The following ANKS1B variants were observed in gnomAD, a reference collection of about 807,000 sequenced individuals.
ANKS1B encodes the protein ankyrin repeat and sterile alpha motif domain-containing protein 1B.
A neutral mutation model predicts 148.3 loss-of-function variants in ANKS1B; 36 were observed. The ratio of observed to expected loss-of-function variants is 0.24; its 90% confidence interval spans 0.19 to 0.32. The LOEUF is 0.32. Among genes scored for constraint, ANKS1B ranks in the 10% least tolerant of loss-of-function variants. ANKS1B has a pLI of 1.00. For synonymous variants in ANKS1B, 542 were observed against 560.8 expected (o/e 0.97, Z 0.47); for missense variants, 1,157 against 1,542.6 (o/e 0.75, Z 4.19).
intron 2 of ANKS1B, among the ~76,000 whole-genome samples, chr12:99,822,282 T>C (rs916304852): frequency 1.3e-5 from 2 of 152,090 alleles, no homozygotes; most frequent in Admixed American, 1.3e-4. Context: ...CTACCATTTC[T>C]ACTTTTTAAA....
chr12:99,923,737 T>G (rs1319374885), intron 1 of ANKS1B, among the ~76,000 whole-genome samples: 1 of 152,146 alleles, frequency 6.6e-6, no homozygotes, highest in Admixed American at 6.6e-5. Context: ...CCTTTGAACC[T>G]ATTTTATTTC....
In ANKS1B at chr12:99,050,858, A is replaced by ATTTTTTTTTT. The variant is rs576571213; in HGVS notation, c.2778+2289_2778+2298dup. ...AGGTGCCCGCCACCACGCCCGGCTAATTTTTTTTTTTTTGTATTTTTCATA... is the reference window on the plus strand; with the variant it reads ...AGGTGCCCGCCACCACGCCCGGCTAATTTTTTTTTTTTTTTTTTTTTTTGTATTTTTCATA... On this transcript the variant is annotated intron_variant, in intron 17 of 26. Coordinates refer to ENST00000683438, the MANE Select transcript of ANKS1B (RefSeq NM_001352186.2). Among the ~76,000 whole-genome samples the ATTTTTTTTTT allele has an allele frequency of 2.8e-5, 4 of 141,360 alleles. No homozygotes were observed. The East Asian group carries it at 6.3e-4, about 22-fold the overall frequency. The allele number at this position is 141,360 out of a possible 152,430, so 92.7% of individuals were successfully genotyped here. A position where few individuals can be genotyped will look rare whatever the true frequency, so the allele number is the denominator to read the frequency against.
At chr12:99,066,639 T>C (rs75260605) in intron 16 of ANKS1B, among the ~76,000 whole-genome samples, 19 of 152,336 alleles carry the variant, frequency 1.2e-4, no homozygotes, top group South Asian at 2.1e-4. Context: ...CTTTGACTGC[T>C]GTGTTGAGTA....
At chr12:98,743,218 A>T (rs1363768998), downstream of ANKS1B, among the ~76,000 whole-genome samples, 1 of 152,134 alleles carries the variant, frequency 6.6e-6, no homozygotes, top group Non-Finnish European at 1.5e-5. Context: ...TCTTATCCAA[A>T]CAAACATTGA....
intron 9 of ANKS1B, among the ~76,000 whole-genome samples, chr12:99,540,077 A>T (rs2097110363): frequency 6.6e-6 from 1 of 152,180 alleles, no homozygotes; most frequent in Non-Finnish European, 1.5e-5. Flanking sequence ...AAAAAAAGAC[A>T]TTTTATAAAG....
chr12:98,805,419 A>G (rs1398110216), intron 20 of ANKS1B, among the ~76,000 whole-genome samples: 2 of 152,160 alleles, frequency 1.3e-5, no homozygotes, highest in East Asian at 3.8e-4. Context: ...TAAAGGAAAA[A>G]TACTTTGACA....
chr12:98,856,093 A>C (rs549220365), intron 17 of ANKS1B, among the ~76,000 whole-genome samples: 6 of 152,358 alleles, frequency 3.9e-5, no homozygotes, highest in South Asian at 4.1e-4. Context: ...AAGGTTGCAA[A>C]TATAAATTAA....
intron 14 of ANKS1B, among the ~76,000 whole-genome samples, chr12:99,177,932 CTTTG>C (rs896444305): frequency 8.5e-5 from 13 of 152,218 alleles, no homozygotes; most frequent in Admixed American, 5.2e-4. Context: ...TGTGATAGAT[CTTTG>C]TTTGTTTCAT....
chr12:99,588,887 T>G (rs2153233338), intron 9 of ANKS1B, among the ~76,000 whole-genome samples: 2 of 152,330 alleles, frequency 1.3e-5, no homozygotes, highest in East Asian at 3.9e-4. Flanking sequence ...ACTGATATAT[T>G]TTTCCATTTC....
At chr12:99,376,563 G>C (rs180913368) in intron 12 of ANKS1B, among the ~76,000 whole-genome samples, 1 of 151,988 alleles carries the variant, frequency 6.6e-6, no homozygotes, top group Non-Finnish European at 1.5e-5. Flanking sequence ...TCAGTAACAG[G>C]GTCTCTTAAA....
intron 17 of ANKS1B, among the ~76,000 whole-genome samples, chr12:98,901,846 A>C (rs1411322710): frequency 6.6e-6 from 1 of 152,184 alleles, no homozygotes; most frequent in Non-Finnish European, 1.5e-5. Flanking sequence ...TGTCCACCAC[A>C]GAAGCAGCGT....
At chr12:99,932,627 A>AT (rs1222257042) in intron 1 of ANKS1B, among the ~76,000 whole-genome samples, 1 of 151,930 alleles carries the variant, frequency 6.6e-6, no homozygotes, top group African/African-American at 2.4e-5. Flanking sequence ...GAATTACTAG[A>AT]TTTTTTTCCC....
chr12:99,132,283 G>A (rs551089091), intron 15 of ANKS1B, among the ~76,000 whole-genome samples: 12 of 152,204 alleles, frequency 7.9e-5, no homozygotes, highest in Non-Finnish European at 1.0e-4. Context: ...ATTGGCAAGC[G>A]GGGATCACTT....
intron 25 of ANKS1B, among the ~76,000 whole-genome samples, chr12:98,772,084 G>A (rs368341434): frequency 2.0e-5 from 3 of 152,202 alleles, no homozygotes; most frequent in African/African-American, 7.2e-5. Flanking sequence ...GGCATTCTAA[G>A]TTGAATGGAA....
intron 17 of ANKS1B, among the ~76,000 whole-genome samples, chr12:98,871,168 C>T (rs768535901): frequency 2.6e-5 from 4 of 152,134 alleles, no homozygotes; most frequent in Non-Finnish European, 4.4e-5. Flanking sequence ...TTTCTTATAT[C>T]TTATTCCTTT....
At chr12:99,665,786 T>C (rs1300233764) in intron 8 of ANKS1B, among the ~76,000 whole-genome samples, 2 of 152,204 alleles carry the variant, frequency 1.3e-5, no homozygotes, top group African/African-American at 2.4e-5. Flanking sequence ...CCAAGTTTCT[T>C]TGACTTCTTA....
chr12:99,338,054 C>A (rs911455745), intron 12 of ANKS1B, among the ~76,000 whole-genome samples: 6 of 152,100 alleles, frequency 3.9e-5, no homozygotes, highest in African/African-American at 7.2e-5. Context: ...CACTCAAGGC[C>A]CAAGTGTTCT....
intron 8 of ANKS1B, among the ~76,000 whole-genome samples, chr12:99,722,194 T>C (rs962692812): frequency 2.6e-5 from 4 of 152,176 alleles, no homozygotes; most frequent in Non-Finnish European, 5.9e-5. Flanking sequence ...TCCAGCTAAA[T>C]TGATAAAGGT....
At chr12:99,501,159 C>A (rs1022483892) in intron 10 of ANKS1B, among the ~76,000 whole-genome samples, 6 of 151,958 alleles carry the variant, frequency 3.9e-5, no homozygotes, top group African/African-American at 1.4e-4. Context: ...TATCTTCAGG[C>A]TCACTTTTTC....
Sources: allele counts gnomAD v4.1 joint callset (sites outside exome capture counted in the v4.1 genomes callset), GRCh38; gene constraint gnomAD v4.1.1; transcripts MANE v1.5; gene names NCBI Gene and HGNC (gene_info 2026-07-23, HGNC 2026-07-21).